C1orf105: variants seen among roughly 807,000 people sequenced by gnomAD.
The protein encoded by C1orf105 is uncharacterized protein C1orf105.
In C1orf105, 17 loss-of-function variants were observed where a neutral mutation model predicts 20.8. The observed-to-expected ratio is 0.82, with a 90% CI of 0.56 to 1.23. C1orf105 has a LOEUF of 1.23. C1orf105 is among the 50% of genes most tolerant of loss of function. The probability of loss-of-function intolerance (pLI) is 0.00; values close to 1 mark genes in which losing one functional copy is unlikely to be tolerated. For missense variants in C1orf105, 219 were observed against 213.5 expected, an observed-to-expected ratio of 1.03 and a Z score of -0.16; for synonymous variants, 72 against 72.1, an observed-to-expected ratio of 1.00 and a Z score of 0.01.
chr1:172,425,498 A>C (rs756190497), intron 1 of C1orf105, among the ~76,000 whole-genome samples: 2 of 152,130 alleles, frequency 1.3e-5, no homozygotes, highest in African/African-American at 2.4e-5. Flanking sequence ...AGCAGGCCCA[A>C]CAAGCCTTCA....
chr1:172,459,027 A>G (rs1028183165), intron 4 of C1orf105, among the ~76,000 whole-genome samples: 6 of 152,166 alleles, frequency 3.9e-5, no homozygotes, highest in Non-Finnish European at 7.4e-5. Context: ...TCCTCACACC[A>G]TGTACAAAAA....
rs146229638 is a variant in C1orf105, at chr1:172,454,284, G to A, written c.199-2131G>A. Among the ~76,000 whole-genome samples the A allele has an allele frequency of 3.1e-4, 47 of 151,866 alleles. No homozygotes were observed. In the East Asian group the frequency reaches 8.3e-3, roughly 27 times the overall value. ...AAGCCTTTCCTGATTTCTCCAATCA[G>A]AAGTGGTCTCTCTGTTTTCTGAAGG... On this transcript the variant is annotated intron_variant, in intron 3 of 6. Transcript: ENST00000367727.
chr1:172,441,148 T>C (rs1285139764), intron 1 of C1orf105, among the ~76,000 whole-genome samples: 1 of 152,250 alleles, frequency 6.6e-6, no homozygotes, highest in Non-Finnish European at 1.5e-5. Flanking sequence ...AGCATTCTGC[T>C]TATTGTGACA....
At position 172,440,609 on chromosome 1, in the gene C1orf105, G is replaced by T. The variant is rs557311488; in HGVS notation, c.22-4464G>T. Among the ~76,000 whole-genome samples the T allele has an allele frequency of 7.2e-5, 11 of 152,158 alleles. No individual in the cohort carries two copies. In the East Asian group the frequency reaches 9.6e-4, roughly 13 times the overall value. Reference sequence around the variant, plus strand: ...AGCCCAAATTCATAGCCCTCAAATTGCTACTCAACCTCCCATTCTGACTTT... The same window carrying T: ...AGCCCAAATTCATAGCCCTCAAATTTCTACTCAACCTCCCATTCTGACTTT... On this transcript the variant is annotated intron_variant, in intron 1 of 6. Coordinates refer to ENST00000367727, the MANE Select transcript of C1orf105 (RefSeq NM_139240.4).
intron 1 of C1orf105, among the ~76,000 whole-genome samples, chr1:172,440,158 T>C (rs2072173741): frequency 6.6e-6 from 1 of 152,202 alleles, no homozygotes; most frequent in African/African-American, 2.4e-5. Context: ...AATAAAAACA[T>C]TATATTTTGG....
chr1:172,442,644 G>A (rs1389813427), intron 1 of C1orf105: 1 of 1,593,490 alleles, frequency 6.3e-7, no homozygotes, highest in South Asian at 1.1e-5. Flanking sequence ...TCAAACTCAG[G>A]CCAGTTTAAT....
In C1orf105 at chr1:172,442,497, A is replaced by G. The variant is rs149404118; in HGVS notation, c.22-2576A>G. On this transcript the variant is annotated intron_variant, in intron 1 of 6. Transcript: ENST00000367727. ...CAGCCCAATATTGGTATTTCCGAGC[A>G]TGGATGTTTTTCCGGAGCTCTTCCA... 2.4e-4 allele frequency: 394 copies of G among 1,614,198 alleles called. No homozygotes were observed. The African/African-American group carries it at 4.0e-3, about 16-fold the overall frequency.
chr1:172,441,643 C>T, intron 1 of C1orf105: 8 of 1,196,486 alleles, frequency 6.7e-6, no homozygotes, highest in Non-Finnish European at 9.3e-6. Context: ...CATGCTGCTT[C>T]CAGAATGGAA....
intron 1 of C1orf105, among the ~76,000 whole-genome samples, chr1:172,437,944 G>A (rs1318131291): frequency 6.6e-6 from 1 of 152,104 alleles, no homozygotes; most frequent in Non-Finnish European, 1.5e-5. Flanking sequence ...AGGGGCTAAT[G>A]TAGTTGGTGA....
chr1:172,447,040 C>G (rs995139308), intron 2 of C1orf105, among the ~76,000 whole-genome samples: 1 of 152,106 alleles, frequency 6.6e-6, no homozygotes, highest in African/African-American at 2.4e-5. Flanking sequence ...GAGGACAAGA[C>G]GGGAATGAAA....
At chr1:172,446,368 A>G (rs1421986234) in intron 2 of C1orf105, among the ~76,000 whole-genome samples, 1 of 152,204 alleles carries the variant, frequency 6.6e-6, no homozygotes, top group Non-Finnish European at 1.5e-5. Flanking sequence ...TCACAGGCCC[A>G]TGACAGTCAG....
chr1:172,429,253 CACAG>C (rs1020301472), intron 1 of C1orf105, among the ~76,000 whole-genome samples: 32 of 148,932 alleles, frequency 2.1e-4, no homozygotes, highest in African/African-American at 7.6e-4. Context: ...CACACACACA[CACAG>C]ACACACACAC....
chr1:172,438,297 T>C (rs1194667135), intron 1 of C1orf105, among the ~76,000 whole-genome samples: 1 of 152,238 alleles, frequency 6.6e-6, no homozygotes, highest in African/African-American at 2.4e-5. Flanking sequence ...GTGATTCCTC[T>C]GATGGATCTA....
intron 2 of C1orf105, 77 bp downstream of exon 2, chr1:172,445,235 C>A: frequency 2.6e-6 from 3 of 1,161,358 alleles, no homozygotes; most frequent in East Asian, 2.4e-5. Flanking sequence ...GGGATGGGGA[C>A]AATTATCAGA....
chr1:172,424,831 C>T (rs185111834), intron 1 of C1orf105, among the ~76,000 whole-genome samples: 3 of 152,212 alleles, frequency 2.0e-5, no homozygotes, highest in Admixed American at 1.3e-4. Flanking sequence ...TGCTCAATGT[C>T]TTAAAGATCT....
At chr1:172,429,221 TATACACAC>T (rs750453027) in intron 1 of C1orf105, among the ~76,000 whole-genome samples, 91 of 62,840 alleles carry the variant, frequency 1.4e-3, no homozygotes, top group African/African-American at 3.8e-3. Context: ...TAAATACAAA[TATACACAC>T]ACACACACAC....
intron 5 of C1orf105, among the ~76,000 whole-genome samples, chr1:172,462,743 T>C (rs1649784456): frequency 6.6e-6 from 1 of 151,594 alleles, no homozygotes; most frequent in African/African-American, 2.4e-5. Flanking sequence ...TATGATTAGT[T>C]TTTTTGTGTG....
At position 172,454,988 on chromosome 1, in the gene C1orf105, C is replaced by T. The variant is rs74126225; in HGVS notation, c.199-1427C>T. On this transcript the variant is annotated intron_variant, in intron 3 of 6. Transcript: ENST00000367727. ...TTCCTTCCAGAAACTTTGCTTTATT[C>T]GTCGGTATGACCCCCGTCACAGCAC... Among the ~76,000 whole-genome samples, 238 of 152,200 alleles carry T rather than the reference C, an allele frequency of 1.6e-3. 1 individual carries two copies. Among genetic ancestry groups the T allele is most frequent in the African/African-American group, 5.1e-3 (213 of 41,508 alleles).
rs777136637 is a variant in C1orf105 at position 172,453,100 on chromosome 1, C to G, written c.199-3315C>G. The stretch of plus-strand genomic sequence containing the variant: ...TAAAGTAGCCTGTCACAGCTGCCTT[C>G]CACGACTCTTCAATGCCCTCATCCC... On this transcript the variant is annotated intron_variant, in intron 3 of 6. Transcript: ENST00000367727. The G allele has an allele frequency of 2.5e-5, 38 of 1,550,754 alleles. No homozygotes were observed. The South Asian group carries it at 2.5e-4, about 10-fold the overall frequency.
Sources: allele counts gnomAD v4.1 joint callset (sites outside exome capture counted in the v4.1 genomes callset), GRCh38; gene constraint gnomAD v4.1.1; transcripts MANE v1.5; gene names NCBI Gene and HGNC (gene_info 2026-07-23, HGNC 2026-07-21).